The following USP7 variants were observed in gnomAD, a reference collection of about 807,000 sequenced individuals.
USP7 encodes the protein ubiquitin C-terminal hydrolase 7.
In USP7, 9 loss-of-function variants were observed where a neutral mutation model predicts 162.9. That is an observed-to-expected ratio of 0.06 (90% confidence interval 0.03 to 0.10). The LOEUF (loss-of-function observed/expected upper bound fraction) is 0.10, where lower values mean the gene tolerates loss of function less well. Among genes scored for constraint, USP7 ranks in the 10% least tolerant of loss-of-function variants. The pLI is 1.00. For synonymous variants in USP7, 562 were observed against 475.9 expected, an observed-to-expected ratio of 1.18 and a Z score of -2.35; for missense variants, 715 against 1,373.7, an observed-to-expected ratio of 0.52 and a Z score of 7.58.
Position 8,893,685 on chromosome 16 carries a change from G to C in USP7, c.*313C>G, listed in dbSNP as rs1186238264. Reference sequence around the variant, plus strand: ...ACTCGTGCCCACTAGGGACAGCCCAGAGACCTTGAGCCAGGGACCCCCGAT... The same window carrying C: ...ACTCGTGCCCACTAGGGACAGCCCACAGACCTTGAGCCAGGGACCCCCGAT... On this transcript the variant is annotated 3_prime_UTR_variant, in exon 31 of 31. Coordinates refer to ENST00000344836, the MANE Select transcript of USP7 (RefSeq NM_003470.3). 3.0e-6 allele frequency: 1 copy of C among 329,304 alleles called. No homozygotes were observed. 20.4% of individuals were successfully genotyped at this position (329,304 alleles called of 1,614,324 possible).
chr16:8,894,197 T>TC (rs1192703361), intron 30 of USP7, 93 bp from the exon 31 acceptor site: 1 of 1,198,292 alleles, frequency 8.3e-7, no homozygotes, highest in East Asian at 2.3e-5. Context: ...TCCCTGTGGC[T>TC]CCCCAAGGGG....
chr16:8,936,130 T>A (rs909268276), intron 1 of USP7, among the ~76,000 whole-genome samples: 1 of 152,206 alleles, frequency 6.6e-6, no homozygotes, highest in Admixed American at 6.5e-5. Context: ...GGTGGTGCCT[T>A]GTCCATGAAG....
chr16:8,958,292 T>C (rs1289816257), intron 1 of USP7, among the ~76,000 whole-genome samples: 3 of 152,322 alleles, frequency 2.0e-5, no homozygotes, highest in Middle Eastern at 6.8e-3. Context: ...TCTGAACCAC[T>C]TTCCTGGGGT....
At chr16:8,918,892 C>T (rs545326075) in intron 6 of USP7, 139 bp downstream of exon 6, 7 of 809,212 alleles carry the variant, frequency 8.7e-6, no homozygotes, top group South Asian at 4.7e-5. Context: ...GGAATGAAAA[C>T]GCAGCATGAA....
Position 8,903,236 on chromosome 16 carries a change from C to T in USP7, c.1839+32G>A, listed in dbSNP as rs147176623. 3,506 of 1,592,408 alleles carry T rather than the reference C, an allele frequency of 2.2e-3. 12 individuals are homozygous for T. The highest frequency in any genetic ancestry group is 1.9e-3 in the Non-Finnish European group (2,160 of 1,167,312). On this transcript the variant is annotated intron_variant, in intron 16 of 30. Coordinates refer to ENST00000344836, the MANE Select transcript of USP7 (RefSeq NM_003470.3). Reference sequence around the variant, plus strand: ...GAAGGAAGGTGGACGTTGGGAGCCACGGTGGGGTATATCCACGGGACCGGT... The same window carrying T: ...GAAGGAAGGTGGACGTTGGGAGCCATGGTGGGGTATATCCACGGGACCGGT...
chr16:8,958,705 C>T (rs74010347), intron 1 of USP7, among the ~76,000 whole-genome samples: 5,755 of 152,294 alleles, frequency 0.038, 180 homozygotes, highest in African/African-American at 0.09. Context: ...CCACACTCAT[C>T]GCAGGGAGCT....
At chr16:8,928,590 T>C (rs143589416) in intron 2 of USP7, among the ~76,000 whole-genome samples, 89 of 152,274 alleles carry the variant, frequency 5.8e-4, no homozygotes, top group Middle Eastern at 3.4e-3. Context: ...TACAAGTTCT[T>C]CTCCTACAGT....
At position 8,902,161 on chromosome 16, in the gene USP7, G is replaced by A. The variant is rs2141173614; in HGVS notation, c.1968C>T (p.Asn656=). 1 of 1,614,150 alleles carries A rather than the reference G, an allele frequency of 6.2e-7. No individual in the cohort carries two copies. The highest frequency in any genetic ancestry group is 8.5e-7 in the Non-Finnish European group (1 of 1,180,020). ...KTMIELSDNE[N]PWTIFLETVD... Reference sequence around the variant, plus strand: ...CTGTTTCCAGGAATATTGTCCAAGGGTTTTCATTATCACTGAGCTCAATCA... The same window carrying A: ...CTGTTTCCAGGAATATTGTCCAAGGATTTTCATTATCACTGAGCTCAATCA... Residue 656 remains asparagine, a synonymous_variant, in exon 18 of 31, where the codon AAC becomes AAT. Transcript: ENST00000344836.
At chr16:8,936,053 G>A (rs1289214801) in intron 1 of USP7, among the ~76,000 whole-genome samples, 2 of 152,234 alleles carry the variant, frequency 1.3e-5, no homozygotes, top group East Asian at 1.9e-4. Flanking sequence ...AAGCTGGCAG[G>A]GGGCGGGGGT....
intron 1 of USP7, among the ~76,000 whole-genome samples, chr16:8,957,119 A>T (rs551430295): frequency 2.6e-5 from 4 of 152,278 alleles, no homozygotes; most frequent in Non-Finnish European, 4.4e-5. Context: ...ATAAAAAGTT[A>T]AAATTACCAA....
rs111440926 is a variant in USP7 at position 8,942,752 on chromosome 16, T to C, written c.80-12355A>G. 1.9e-3 allele frequency among the ~76,000 whole-genome samples: 285 copies of C among 152,308 alleles called. 2 individuals carry two copies. Among genetic ancestry groups the C allele is most frequent in the African/African-American group, 6.2e-3 (257 of 41,562 alleles). ...TTTGTAGAGACTGGGTCTCACTATG[T>C]TGTCCAGGCTGGTCTTGAACTCCTG... is the stretch of plus-strand genomic sequence containing the variant. On this transcript the variant is annotated intron_variant, in intron 1 of 30. Coordinates refer to ENST00000344836, the MANE Select transcript of USP7 (RefSeq NM_003470.3).
chr16:8,936,586 C>T (rs777543299), intron 1 of USP7: 15 of 1,545,284 alleles, frequency 9.7e-6, no homozygotes, highest in African/African-American at 1.4e-5. Flanking sequence ...GACTCACCTT[C>T]CAGCCCAAGC....
At chr16:8,959,151 G>C (rs1446409010) in intron 1 of USP7, among the ~76,000 whole-genome samples, 1 of 152,124 alleles carries the variant, frequency 6.6e-6, no homozygotes, top group Non-Finnish European at 1.5e-5. Flanking sequence ...AACCTTGACG[G>C]GCATGAATGA....
intron 1 of USP7, among the ~76,000 whole-genome samples, chr16:8,961,101 T>C (rs961183583): frequency 2.0e-5 from 3 of 152,204 alleles, no homozygotes; most frequent in African/African-American, 7.2e-5. Context: ...AACTGTAATA[T>C]GAAAATAAAG....
At chr16:8,899,364 C>G (rs2061739947) in intron 22 of USP7, 176 bp from the exon 23 acceptor site, 4 of 740,834 alleles carry the variant, frequency 5.4e-6, no homozygotes, top group Non-Finnish European at 4.3e-6. Flanking sequence ...AGTAGCATAT[C>G]TGATGAAGAT....
intron 10 of USP7, 118 bp downstream of exon 10, chr16:8,915,136 G>A: frequency 2.0e-6 from 2 of 984,390 alleles, no homozygotes; most frequent in Non-Finnish European, 2.9e-6. Flanking sequence ...GTTTGCTTAA[G>A]ATCTGAGCCA....
Position 8,963,316 on chromosome 16 carries a change from C to A in USP7, c.-31G>T, listed in dbSNP as rs1900097368. The A allele has an allele frequency of 3.0e-6, 3 of 989,862 alleles. No homozygotes were observed. The highest frequency in any genetic ancestry group is 3.5e-5 in the South Asian group (1 of 28,968). 61.3% of individuals were successfully genotyped at this position (989,862 alleles called of 1,614,324 possible). A position where few individuals can be genotyped will look rare whatever the true frequency, so the allele number is the denominator to read the frequency against. On this transcript the variant is annotated 5_prime_UTR_variant, in exon 1 of 31. Coordinates refer to ENST00000344836, the MANE Select transcript of USP7 (RefSeq NM_003470.3). ...CCGCGGCCTGGGCCTCGCCTGCGGC[C>A]GGGGGCCGGGGCTGCGAGCCCGGCG...
At chr16:8,897,732 T>C (rs1273605526) in intron 25 of USP7, among the ~76,000 whole-genome samples, 4 of 91,398 alleles carry the variant, frequency 4.4e-5, no homozygotes, top group Non-Finnish European at 8.3e-5. Flanking sequence ...AAAAAATATA[T>C]ATATATATAT....
chr16:8,908,592 G>T, intron 11 of USP7, 142 bp from the exon 12 acceptor site: 1 of 638,872 alleles, frequency 1.6e-6, no homozygotes, highest in Non-Finnish European at 2.7e-6. Flanking sequence ...TCCATTTAGG[G>T]CATCTTTGAA....
Sources: gnomAD v4.1 joint callset for allele counts (sites outside exome capture counted in the v4.1 genomes callset) on GRCh38, gnomAD v4.1.1 for gene constraint, MANE v1.5 for transcripts, NCBI Gene and HGNC (gene_info 2026-07-23, HGNC 2026-07-21) for gene names.